The following AKAIN1 variants were observed in gnomAD, a reference collection of about 807,000 sequenced individuals.
AKAIN1 encodes A-kinase anchor protein inhibitor 1.
A neutral mutation model predicts 3.7 loss-of-function variants in AKAIN1; 3 were observed. That is an observed-to-expected ratio of 0.82 (90% CI 0.37 to 2.12). AKAIN1 has a LOEUF of 2.12. AKAIN1 is among the 30% of genes most tolerant of loss of function. AKAIN1 has a pLI of 0.06. For synonymous variants in AKAIN1, 31 were observed against 30.8 expected (o/e 1.01, Z -0.02); for missense variants, 82 against 82.7 (o/e 0.99, Z 0.03).
rs574709663 is a variant in AKAIN1, at chr18:5,173,748, G to A, written c.16+23290C>T. On this transcript the variant is annotated intron_variant, in intron 1 of 1. Coordinates refer to ENST00000434239, the MANE Select transcript of AKAIN1 (RefSeq NM_001145194.2). ...AGTGCAGAAGTGCAGAGGGGCTGGT[G>A]ATCTCTAAACACTCTGTTGCACTGA... 1.6e-4 allele frequency among the ~76,000 whole-genome samples: 24 copies of A among 152,272 alleles called. 2 individuals carry two copies. In the South Asian group the frequency reaches 2.9e-3, roughly 18 times the overall value.
chr18:5,158,064 C>T lies in AKAIN1; in HGVS notation c.17-12309G>A, dbSNP rs557133195. Among the ~76,000 whole-genome samples, 178 of 152,248 alleles carry T rather than the reference C, an allele frequency of 1.2e-3. 1 individual carries two copies. Among genetic ancestry groups the T allele is most frequent in the African/African-American group, 3.9e-3 (162 of 41,552 alleles). ...CTCTAAAATGGGTACAATAATGGCA[C>T]GCCCTCACAAGGTTGTTGCAGCCTG... On this transcript the variant is annotated intron_variant, in intron 1 of 1. Coordinates refer to ENST00000434239, the MANE Select transcript of AKAIN1 (RefSeq NM_001145194.2).
chr18:5,146,482 C>T lies in AKAIN1; in HGVS notation c.17-727G>A, dbSNP rs531000040. ...ATTCAGGTTTTATGTTACTTGCAGC[C>T]AAATACATGCCTAGTGTATATAACC... On this transcript the variant is annotated intron_variant, in intron 1 of 1. Transcript: ENST00000434239. Among the ~76,000 whole-genome samples, 4 of 152,288 alleles carry T rather than the reference C, an allele frequency of 2.6e-5. No homozygotes were observed. The South Asian group carries it at 8.3e-4, about 32-fold the overall frequency.
intron 1 of AKAIN1, among the ~76,000 whole-genome samples, chr18:5,168,497 G>C (rs895126833): frequency 6.9e-6 from 1 of 145,052 alleles, no homozygotes; most frequent in African/African-American, 2.8e-5. Flanking sequence ...TTACAGTTCA[G>C]ATCCAAAACT....
At chr18:5,155,162 A>G (rs983884492) in intron 1 of AKAIN1, among the ~76,000 whole-genome samples, 1 of 152,076 alleles carries the variant, frequency 6.6e-6, no homozygotes, top group Non-Finnish European at 1.5e-5. Context: ...TTGAGATGAC[A>G]GGCGCGAGCC....
intron 1 of AKAIN1, among the ~76,000 whole-genome samples, chr18:5,159,845 G>T (rs531443936): frequency 1.3e-5 from 2 of 152,238 alleles, no homozygotes; most frequent in Non-Finnish European, 2.9e-5. Context: ...TTAATCCTGC[G>T]AAAGATAAAT....
chr18:5,158,649 A>T (rs531106308), intron 1 of AKAIN1, among the ~76,000 whole-genome samples: 41 of 152,210 alleles, frequency 2.7e-4, no homozygotes, highest in Non-Finnish European at 4.8e-4. Context: ...TGATGTTCCC[A>T]GATAATTTTG....
At chr18:5,151,694 CCAGTCACATTATGT>C (rs1445184370) in intron 1 of AKAIN1, among the ~76,000 whole-genome samples, 1 of 152,130 alleles carries the variant, frequency 6.6e-6, no homozygotes, top group Admixed American at 6.5e-5. Flanking sequence ...CCTACAATGG[CCAGTCACATTATGT>C]CATAATGTAG....
chr18:5,145,356 C>T lies in AKAIN1; in HGVS notation c.*206G>A. ...AGTGTCATATTTGGCCCCACTATGT[C>T]TCAGAGGCACTGCATAAATATGAAC... On this transcript the variant is annotated 3_prime_UTR_variant, in exon 2 of 2. Transcript: ENST00000434239. 1 of 437,682 alleles carries T rather than the reference C, an allele frequency of 2.3e-6. No individual in the cohort carries two copies. The highest frequency in any genetic ancestry group is 3.3e-5 in the East Asian group (1 of 29,854). The allele number at this position is 437,682 out of a possible 1,614,324, so 27.1% of individuals were successfully genotyped here. A position where few individuals can be genotyped will look rare whatever the true frequency, so the allele number is the denominator to read the frequency against.
In AKAIN1 at chr18:5,144,469, T is replaced by G. The variant is rs2071037566; in HGVS notation, c.*1093A>C. Among the ~76,000 whole-genome samples, 1 of 152,222 alleles carries G rather than the reference T, an allele frequency of 6.6e-6. No homozygotes were observed. The highest frequency in any genetic ancestry group is 1.5e-5 in the Non-Finnish European group (1 of 68,036). On this transcript the variant is annotated 3_prime_UTR_variant, in exon 2 of 2. Transcript: ENST00000434239. ...GAAGTGGAGCAGGGATTGATCCTGT[T>G]GCTGCACAGATAACTTTATTACACG... is the stretch of plus-strand genomic sequence containing the variant.
intron 1 of AKAIN1, among the ~76,000 whole-genome samples, chr18:5,184,062 A>G (rs2071273922): frequency 6.6e-6 from 1 of 152,104 alleles, no homozygotes; most frequent in Non-Finnish European, 1.5e-5. Context: ...CACTAATAGA[A>G]CACGAAAAGA....
intron 1 of AKAIN1, among the ~76,000 whole-genome samples, chr18:5,174,676 G>T (rs751244827): frequency 3.3e-5 from 5 of 152,110 alleles, no homozygotes; most frequent in Non-Finnish European, 5.9e-5. Context: ...TGGAGGTGAA[G>T]TTTGTGGTAA....
intron 1 of AKAIN1, among the ~76,000 whole-genome samples, chr18:5,156,243 T>C (rs1055209459): frequency 1.6e-4 from 24 of 152,020 alleles, no homozygotes; most frequent in African/African-American, 5.6e-4. Flanking sequence ...TAAAGGAATC[T>C]TCAAAAACAA....
At chr18:5,158,313 G>T (rs1326737030) in intron 1 of AKAIN1, among the ~76,000 whole-genome samples, 2 of 152,128 alleles carry the variant, frequency 1.3e-5, no homozygotes, top group African/African-American at 4.8e-5. Context: ...GAGAGTTAAG[G>T]CACAAGAGGA....
chr18:5,163,506 TG>T (rs2071150978), intron 1 of AKAIN1, among the ~76,000 whole-genome samples: 1 of 152,082 alleles, frequency 6.6e-6, no homozygotes, highest in African/African-American at 2.4e-5. Context: ...ATTTTTGACT[TG>T]TTGAGAGATA....
Position 5,149,671 on chromosome 18 carries a change from C to G in AKAIN1, c.17-3916G>C, listed in dbSNP as rs117435670. ...TGCATTGCTTCATGACTGTACATAT[C>G]TCCTTCCCTCTGAGGTCATTCCAGC... is the stretch of plus-strand genomic sequence containing the variant. On this transcript the variant is annotated intron_variant, in intron 1 of 1. Transcript: ENST00000434239. Among the ~76,000 whole-genome samples, 162 of 152,264 alleles carry G rather than the reference C, an allele frequency of 1.1e-3. No homozygotes were observed. In the East Asian group the frequency reaches 0.029, roughly 28 times the overall value.
intron 1 of AKAIN1, among the ~76,000 whole-genome samples, chr18:5,189,006 C>T (rs1189429047): frequency 3.3e-5 from 5 of 152,182 alleles, no homozygotes; most frequent in African/African-American, 1.2e-4. Flanking sequence ...GCAGAATTAG[C>T]TTCATGTAGA....
In AKAIN1 at chr18:5,185,051, C is replaced by T. The variant is rs868075952; in HGVS notation, c.16+11987G>A. Among the ~76,000 whole-genome samples, 147 of 152,046 alleles carry T rather than the reference C, an allele frequency of 9.7e-4. 1 individual carries two copies. The Middle Eastern group carries it at 0.034, about 35-fold the overall frequency. Reference sequence around the variant, plus strand: ...CCCAGAAATATTACTGCACACCTACCACCACCTGATCTTCAACAAAGTTGA... The same window carrying T: ...CCCAGAAATATTACTGCACACCTACTACCACCTGATCTTCAACAAAGTTGA... On this transcript the variant is annotated intron_variant, in intron 1 of 1. Transcript: ENST00000434239.
At chr18:5,165,606 T>C (rs192284983) in intron 1 of AKAIN1, among the ~76,000 whole-genome samples, 17 of 152,130 alleles carry the variant, frequency 1.1e-4, no homozygotes, top group Admixed American at 3.9e-4. Flanking sequence ...GATAGAGAGC[T>C]TGACTCAGAC....
intron 1 of AKAIN1, among the ~76,000 whole-genome samples, chr18:5,164,621 C>T (rs1334429363): frequency 1.3e-5 from 2 of 152,000 alleles, no homozygotes; most frequent in Non-Finnish European, 2.9e-5. Flanking sequence ...ACACCTCTGT[C>T]ACACAAGCTG....
Sources: allele counts gnomAD v4.1 joint callset (sites outside exome capture counted in the v4.1 genomes callset), GRCh38; gene constraint gnomAD v4.1.1; transcripts MANE v1.5; gene names NCBI Gene and HGNC (gene_info 2026-07-23, HGNC 2026-07-21).